Variants in WWP2 observed in about 807,000 individuals in gnomAD.
WWP2 encodes NEDD4-like E3 ubiquitin-protein ligase WWP2.
In WWP2, 57 loss-of-function variants were observed where a neutral mutation model predicts 121.0. The ratio of observed to expected loss-of-function variants is 0.47; its 90% confidence interval spans 0.38 to 0.59. The LOEUF is 0.59. WWP2 is among the 20% of genes least tolerant of loss of function. The pLI, the probability that WWP2 is intolerant of heterozygous loss-of-function variation, is 0.00. For synonymous variants in WWP2, 449 were observed against 441.3 expected, an observed-to-expected ratio of 1.02 and a Z score of -0.22; for missense variants, 962 against 1,158.9, an observed-to-expected ratio of 0.83 and a Z score of 2.47.
intron 8 of WWP2, among the ~76,000 whole-genome samples, chr16:69,907,195 G>A (rs570814068): frequency 4.6e-5 from 7 of 152,268 alleles, no homozygotes; most frequent in Admixed American, 1.3e-4. Context: ...AGATGTTGAC[G>A]GTGTAGCCTA....
intron 2 of WWP2, among the ~76,000 whole-genome samples, chr16:69,795,648 G>GTT (rs1567669884): frequency 1.3e-4 from 12 of 92,452 alleles, no homozygotes; most frequent in African/African-American, 1.8e-4. Flanking sequence ...AAAAATAGGA[G>GTT]GTTTTTTTTT....
intron 4 of WWP2, among the ~76,000 whole-genome samples, chr16:69,816,794 CAT>C (rs981181343): frequency 3.9e-5 from 6 of 152,218 alleles, no homozygotes; most frequent in African/African-American, 9.6e-5. Flanking sequence ...TACACACACA[CAT>C]ATATACACAC....
At chr16:69,837,113 T>C (rs1007570495) in intron 4 of WWP2, among the ~76,000 whole-genome samples, 1 of 151,176 alleles carries the variant, frequency 6.6e-6, no homozygotes, top group African/African-American at 2.4e-5. Context: ...TTATTAGAGA[T>C]GGGGTTTTAC....
rs187679675 is a variant in WWP2 at position 69,782,005 on chromosome 16, G to A, written c.-15-4991G>A. 2.7e-3 allele frequency among the ~76,000 whole-genome samples: 411 copies of A among 152,192 alleles called. 3 individuals are homozygous for A. Among genetic ancestry groups the A allele is most frequent in the Non-Finnish European group, 4.9e-3 (330 of 68,014 alleles). ...CTGTTAAGATTAAATTTTCGGAGCC[G>A]GGCGAGGTGGCTCATGCCTGTAATC... On this transcript the variant is annotated intron_variant, in intron 1 of 23. Transcript: ENST00000359154.
chr16:69,783,928 A>C (rs1288732116), intron 1 of WWP2, among the ~76,000 whole-genome samples: 5 of 152,098 alleles, frequency 3.3e-5, no homozygotes, highest in African/African-American at 9.7e-5. Flanking sequence ...CACTCCCGGC[A>C]TGGGCGACAG....
At chr16:69,878,715 T>C (rs2057775785) in intron 7 of WWP2, among the ~76,000 whole-genome samples, 2 of 152,300 alleles carry the variant, frequency 1.3e-5, no homozygotes, top group South Asian at 4.1e-4. Context: ...TTTTTAAAAG[T>C]GACCTCATAC....
intron 6 of WWP2, among the ~76,000 whole-genome samples, chr16:69,861,104 C>G (rs1346706975): frequency 6.6e-6 from 1 of 152,216 alleles, no homozygotes; most frequent in Non-Finnish European, 1.5e-5. Context: ...ATGCTCATCT[C>G]CTAAGCGGCA....
intron 6 of WWP2, among the ~76,000 whole-genome samples, chr16:69,850,675 T>C (rs779727204): frequency 3.3e-5 from 5 of 151,950 alleles, no homozygotes; most frequent in Non-Finnish European, 7.4e-5. Flanking sequence ...CAAGGAGGAG[T>C]AAGAGAACTT....
At chr16:69,802,604 G>T (rs998528088) in intron 4 of WWP2, among the ~76,000 whole-genome samples, 2 of 132,020 alleles carry the variant, frequency 1.5e-5, no homozygotes, top group Non-Finnish European at 1.7e-5. Flanking sequence ...CTTTCCTTTT[G>T]TTTTTTTTTT....
intron 8 of WWP2, among the ~76,000 whole-genome samples, chr16:69,898,467 G>A (rs773117705): frequency 6.6e-6 from 1 of 152,178 alleles, no homozygotes; most frequent in Non-Finnish European, 1.5e-5. Flanking sequence ...AAGCATTCCT[G>A]CTAAAACTTA....
chr16:69,862,707 T>TC (rs1491052522), intron 6 of WWP2, among the ~76,000 whole-genome samples: 72 of 143,704 alleles, frequency 5.0e-4, no homozygotes, highest in African/African-American at 1.9e-3. Flanking sequence ...AGCCATGAAT[T>TC]CTTTTTTTTT....
intron 6 of WWP2, among the ~76,000 whole-genome samples, chr16:69,864,881 G>T (rs1256324518): frequency 6.6e-6 from 1 of 152,036 alleles, no homozygotes; most frequent in Admixed American, 6.6e-5. Flanking sequence ...CAAAGTGTTG[G>T]GGTTACAGGC....
intron 6 of WWP2, among the ~76,000 whole-genome samples, chr16:69,856,142 A>G (rs2057307432): frequency 6.6e-6 from 1 of 152,182 alleles, no homozygotes; most frequent in Non-Finnish European, 1.5e-5. Context: ...CTGACAAATA[A>G]AAAGTAACTT....
intron 1 of WWP2, chr16:69,774,878 G>C (rs1290409349): frequency 2.0e-5 from 3 of 151,314 alleles, no homozygotes; most frequent in African/African-American, 7.3e-5. Flanking sequence ...GCTGAGGCAT[G>C]AGAATCACTT....
At chr16:69,823,490 G>A (rs1009071071) in intron 4 of WWP2, among the ~76,000 whole-genome samples, 1 of 149,052 alleles carries the variant, frequency 6.7e-6, no homozygotes, top group Non-Finnish European at 1.5e-5. Context: ...TTTTTTTTGA[G>A]GTGGAGCCTT....
At chr16:69,823,914 TC>T (rs1667586351) in intron 4 of WWP2, among the ~76,000 whole-genome samples, 1 of 152,206 alleles carries the variant, frequency 6.6e-6, no homozygotes, top group Non-Finnish European at 1.5e-5. Context: ...TGGGCCATCT[TC>T]TCCAAGGGCC....
chr16:69,846,049 C>CAAAA lies in WWP2; in HGVS notation c.575+3947_575+3950dup, dbSNP rs57201672. ...TGGGTGACAGAGCCAGACTCCATCT[C>CAAAA]AAAAAAAAAAAAAAAAAAAAAGAAT... On this transcript the variant is annotated intron_variant, in intron 6 of 23. Transcript: ENST00000359154. Among the ~76,000 whole-genome samples the CAAAA allele has an allele frequency of 9.7e-4, 44 of 45,590 alleles. 5 individuals carry two copies. Among genetic ancestry groups the CAAAA allele is most frequent in the East Asian group, 6.8e-3 (9 of 1,316 alleles). The allele number at this position is 45,590 out of a possible 152,430, so 29.9% of individuals were successfully genotyped here.
chr16:69,807,117 C>T (rs1325736623), intron 4 of WWP2, among the ~76,000 whole-genome samples: 1 of 151,884 alleles, frequency 6.6e-6, no homozygotes. Flanking sequence ...CAACCTCTGC[C>T]TCCTGGTTTC....
chr16:69,858,345 C>T (rs1853259820), intron 6 of WWP2, among the ~76,000 whole-genome samples: 1 of 152,082 alleles, frequency 6.6e-6, no homozygotes, highest in South Asian at 2.1e-4. Context: ...TAGAATAGTG[C>T]CTCACTGCAC....
Sources: gnomAD v4.1 joint callset for allele counts (sites outside exome capture counted in the v4.1 genomes callset) on GRCh38, gnomAD v4.1.1 for gene constraint, MANE v1.5 for transcripts, NCBI Gene and HGNC (gene_info 2026-07-23, HGNC 2026-07-21) for gene names.